Variants in SLC27A1 observed in about 807,000 individuals in gnomAD.
SLC27A1 encodes solute carrier family 27 member 1.
In SLC27A1, 61 loss-of-function variants were observed where a neutral mutation model predicts 62.2. The observed-to-expected ratio is 0.98, with a 90% CI of 0.80 to 1.21. SLC27A1 has a LOEUF of 1.21. SLC27A1 is among the 50% of genes most tolerant of loss of function. SLC27A1 has a pLI of 0.00. For missense variants in SLC27A1, 903 were observed against 932.1 expected (o/e 0.97, Z 0.41); for synonymous variants, 435 against 408.6 (o/e 1.06, Z -0.78).
rs763275565 is a variant in SLC27A1, at chr19:17,487,215, A to G, written c.604A>G (p.Lys202Glu). 6.2e-7 allele frequency: 1 copy of G among 1,613,902 alleles called. No individual in the cohort carries two copies. The highest frequency in any genetic ancestry group is 8.5e-7 in the Non-Finnish European group (1 of 1,179,982). Reference protein sequence around the residue: ...VSGHLGKSLIKFCSGDLGPEG... With the variant: ...VSGHLGKSLIEFCSGDLGPEG... ...CGGGCATCTGGGGAAAAGTTTGATC[A>G]AGTTCTGCTCTGGAGACTTGGGGCC... The change falls in exon 3 of 12, where the codon AAG (lysine) becomes GAG (glutamate). Residue 202 changes from lysine (K) to glutamate (E), a missense_variant. Transcript: ENST00000252595.
chr19:17,494,976 C>CT (rs56104169), intron 6 of SLC27A1, among the ~76,000 whole-genome samples: 118,560 of 145,042 alleles, frequency 0.82, 49,254 homozygotes, highest in Non-Finnish European at 0.88. Flanking sequence ...AAATCCTTGC[C>CT]TTTTTTTTTT....
intron 6 of SLC27A1, 75 bp downstream of exon 6, chr19:17,489,192 C>T (rs1004497612): frequency 3.1e-6 from 4 of 1,284,172 alleles, no homozygotes; most frequent in Non-Finnish European, 4.4e-6. Context: ...CAGGCCCCAC[C>T]TCCTCCCGGT....
chr19:17,480,928 CT>C (rs1460430724), intron 1 of SLC27A1, among the ~76,000 whole-genome samples: 474 of 142,044 alleles, frequency 3.3e-3, no homozygotes, highest in African/African-American at 3.2e-3. Flanking sequence ...ATTTGGATTT[CT>C]TTTTTTTTTT....
intron 7 of SLC27A1, 152 bp from the exon 8 acceptor site, chr19:17,500,126 A>T: frequency 7.7e-7 from 1 of 1,293,216 alleles, no homozygotes; most frequent in Non-Finnish European, 1.1e-6. Flanking sequence ...GGCGACGCTT[A>T]CTACCCTGCT....
chr19:17,471,514 C>T (rs752148076), intron 1 of SLC27A1, among the ~76,000 whole-genome samples: 32 of 151,842 alleles, frequency 2.1e-4, no homozygotes, highest in Non-Finnish European at 3.7e-4. Context: ...TCAAACGAGC[C>T]GTTGGGGGTC....
rs184021969 is a variant in SLC27A1, at chr19:17,478,879, A to T, written c.168-7684A>T. On this transcript the variant is annotated intron_variant, in intron 1 of 11. Transcript: ENST00000252595. ...CTGAGTGAGACCCTGTCTCAAAAAA[A>T]AGAAGGCAGAGTGTTGTCTTGATGA... 1.7e-4 allele frequency among the ~76,000 whole-genome samples: 26 copies of T among 152,266 alleles called. No individual in the cohort carries two copies. In the East Asian group the frequency reaches 4.8e-3, roughly 28 times the overall value.
chr19:17,474,864 A>C (rs1228114774), intron 1 of SLC27A1, among the ~76,000 whole-genome samples: 1 of 151,670 alleles, frequency 6.6e-6, no homozygotes, highest in Non-Finnish European at 1.5e-5. Context: ...TCCCGACCTC[A>C]GGTGATCTGC....
Position 17,486,900 on chromosome 19 carries a change from T to A in SLC27A1, c.505T>A (p.Phe169Ile), listed in dbSNP as rs1315952777. ...NVNLRREPLA[F>I]CLGTSGAKAL... ...GAACCTGCGGCGCGAGCCCCTGGCC[T>A]TCTGCCTGGGCACCTCGGGCGCTAA... The change falls in exon 2 of 12, where the codon TTC (phenylalanine) becomes ATC (isoleucine). Residue 169 changes from phenylalanine (F) to isoleucine (I), a missense_variant. Transcript: ENST00000252595. This position sits in a 1 kb window ranked among gnomAD's most constrained non-coding sequence, Gnocchi z 6.6. The A allele has an allele frequency of 1.3e-6, 2 of 1,591,756 alleles. No homozygotes were observed. Among genetic ancestry groups the A allele is most frequent in the Non-Finnish European group, 8.5e-7 (1 of 1,176,104 alleles).
Position 17,504,875 on chromosome 19 carries a change from C to G in SLC27A1, c.*263C>G. On this transcript the variant is annotated 3_prime_UTR_variant, in exon 12 of 12. Transcript: ENST00000252595. Reference sequence around the variant, plus strand: ...GTCCCTGTCTGGCCTTAACTCTTCCCTCTTTTTCTTTTCTTTCTTTCTTTC... The same window carrying G: ...GTCCCTGTCTGGCCTTAACTCTTCCGTCTTTTTCTTTTCTTTCTTTCTTTC... 1 of 662,164 alleles carries G rather than the reference C, an allele frequency of 1.5e-6. No homozygotes were observed. Among genetic ancestry groups the G allele is most frequent in the South Asian group, 1.5e-5 (1 of 65,924 alleles). The allele number at this position is 662,164 out of a possible 1,614,324, so 41.0% of individuals were successfully genotyped here. A position where few individuals can be genotyped will look rare whatever the true frequency, so the allele number is the denominator to read the frequency against.
chr19:17,487,861 C>T (rs2075253025), intron 4 of SLC27A1, among the ~76,000 whole-genome samples: 1 of 151,820 alleles, frequency 6.6e-6, no homozygotes. Context: ...ACCAGCAAAA[C>T]CCGTCCTCTC....
intron 1 of SLC27A1, among the ~76,000 whole-genome samples, chr19:17,475,804 C>T (rs770116886): frequency 2.6e-5 from 4 of 152,170 alleles, no homozygotes; most frequent in African/African-American, 4.8e-5. Flanking sequence ...TGATTTCTTC[C>T]GCCCTGGAGT....
chr19:17,478,382 G>T (rs1372800019), intron 1 of SLC27A1, among the ~76,000 whole-genome samples: 1 of 147,520 alleles, frequency 6.8e-6, no homozygotes. Context: ...CAGGAAAATC[G>T]CTTGAACCTG....
At chr19:17,478,010 G>C (rs1348957253) in intron 1 of SLC27A1, among the ~76,000 whole-genome samples, 4 of 152,054 alleles carry the variant, frequency 2.6e-5, no homozygotes, top group African/African-American at 7.3e-5. Flanking sequence ...CCCTACACCT[G>C]GCCCTGAAGT....
At chr19:17,496,364 C>G (rs2075349595) in intron 6 of SLC27A1, 1 of 151,686 alleles carries the variant, frequency 6.6e-6, no homozygotes, top group Non-Finnish European at 1.5e-5. Flanking sequence ...CGTGGGGCAC[C>G]TGGTGGATGA....
chr19:17,471,204 A>G (rs2075073367), intron 1 of SLC27A1, among the ~76,000 whole-genome samples: 2 of 152,032 alleles, frequency 1.3e-5, no homozygotes. Context: ...CTTTGGGTCT[A>G]TCTAGGGCTT....
intron 6 of SLC27A1, among the ~76,000 whole-genome samples, chr19:17,492,989 G>C (rs958715849): frequency 5.9e-5 from 9 of 151,744 alleles, no homozygotes; most frequent in African/African-American, 2.2e-4. Flanking sequence ...CAGGTGCGGT[G>C]GTGGGCACCT....
chr19:17,497,218 C>A, intron 6 of SLC27A1, 37 bp from the exon 7 acceptor site: 2 of 1,549,112 alleles, frequency 1.3e-6, no homozygotes, highest in Non-Finnish European at 1.7e-6. Context: ...CCACCGCCTG[C>A]CGGTCCCATC....
intron 1 of SLC27A1, among the ~76,000 whole-genome samples, chr19:17,473,280 G>A (rs2075093938): frequency 6.6e-6 from 1 of 152,196 alleles, no homozygotes; most frequent in Non-Finnish European, 1.5e-5. Context: ...TGCAGTTGGA[G>A]TTGCAAACTC....
In SLC27A1 at chr19:17,470,623, CGGCAGCGGCGCTCGGCGTGTACGTG is replaced by C. The variant is rs758942935; in HGVS notation, c.94_118del (p.Leu32AlafsTer22). ...CTGGGGCTGCCGTGGACCTGGAGCGCGGCAGCGGCGCTCGGCGTGTACGTGGGCAGCGGCGGCTGGCGCTTCCTGC... is the reference window on the plus strand; with the variant it reads ...CTGGGGCTGCCGTGGACCTGGAGCGCGGCAGCGGCGGCTGGCGCTTCCTGC... On this transcript the variant is annotated frameshift_variant, in exon 1 of 12. Transcript: ENST00000252595. LOFTEE classifies it high-confidence loss of function. 2.5e-6 allele frequency: 4 copies of C among 1,572,058 alleles called. No individual in the cohort carries two copies. The highest frequency in any genetic ancestry group is 1.7e-4 in the Middle Eastern group (1 of 5,758).
Sources: allele counts gnomAD v4.1 joint callset (sites outside exome capture counted in the v4.1 genomes callset), GRCh38; gene constraint gnomAD v4.1.1; non-coding constraint Gnocchi (gnomAD v3.1); transcripts MANE v1.5; gene names NCBI Gene and HGNC (gene_info 2026-07-23, HGNC 2026-07-21).